The following GREM2 variants were observed in gnomAD, a reference collection of about 807,000 sequenced individuals.
The protein encoded by GREM2 is gremlin 2, DAN family BMP antagonist, also known as gremlin-2.
In GREM2, 11 loss-of-function variants were observed where a neutral mutation model predicts 14.2. The ratio of observed to expected loss-of-function variants is 0.78; its 90% CI spans 0.49 to 1.28. The LOEUF (loss-of-function observed/expected upper bound fraction) is 1.28. Among genes scored for constraint, GREM2 ranks in the 50% most tolerant of loss-of-function variants. The pLI, the probability that GREM2 is intolerant of heterozygous loss-of-function variation, is 0.00. For synonymous variants in GREM2, 98 were observed against 97.6 expected, an observed-to-expected ratio of 1.00 and a Z score of -0.02; for missense variants, 210 against 218.5, an observed-to-expected ratio of 0.96 and a Z score of 0.24.
At chr1:240,585,779 T>A (rs1462070191) in intron 1 of GREM2, among the ~76,000 whole-genome samples, 2 of 139,866 alleles carry the variant, frequency 1.4e-5, no homozygotes, top group Admixed American at 7.3e-5. Context: ...TCCAACCAGG[T>A]GGAGGGCCCC....
At chr1:240,526,309 C>T (rs757082554) in intron 1 of GREM2, among the ~76,000 whole-genome samples, 2 of 152,190 alleles carry the variant, frequency 1.3e-5, no homozygotes, top group Non-Finnish European at 2.9e-5. Flanking sequence ...CATATCATGA[C>T]AATAATTGCA....
intron 1 of GREM2, among the ~76,000 whole-genome samples, chr1:240,534,679 C>T (rs527559615): frequency 9.5e-5 from 13 of 137,252 alleles, no homozygotes; most frequent in African/African-American, 3.0e-4. Flanking sequence ...GGCGACAGAG[C>T]GAGACTCCAT....
At chr1:240,522,990 G>A (rs1678137000) in intron 1 of GREM2, among the ~76,000 whole-genome samples, 1 of 152,128 alleles carries the variant, frequency 6.6e-6, no homozygotes, top group Non-Finnish European at 1.5e-5. Context: ...TTTTTGAATG[G>A]ATAATACATG....
rs1679188309 is a variant in GREM2 at position 240,567,195 on chromosome 1, G to A, written c.-2+44689C>T. 2.0e-5 allele frequency among the ~76,000 whole-genome samples: 3 copies of A among 152,132 alleles called. 1 individual carries two copies. The highest frequency in any genetic ancestry group is 7.2e-5 in the African/African-American group (3 of 41,450). On this transcript the variant is annotated intron_variant, in intron 1 of 1. Coordinates refer to ENST00000318160, the MANE Select transcript of GREM2 (RefSeq NM_022469.4). ...TTTAAAAAATACAAAGATCATCAGT[G>A]AGATGTGGGATAACTTCACGTGGTC...
chr1:240,601,412 T>A (rs1016614226), intron 1 of GREM2, among the ~76,000 whole-genome samples: 1 of 152,136 alleles, frequency 6.6e-6, no homozygotes, highest in Non-Finnish European at 1.5e-5. Context: ...GTTTGAAGCC[T>A]AAGATAATGT....
chr1:240,580,282 T>C (rs531097538), intron 1 of GREM2, among the ~76,000 whole-genome samples: 1 of 152,310 alleles, frequency 6.6e-6, no homozygotes, highest in East Asian at 1.9e-4. Flanking sequence ...TCCTGAAGTA[T>C]TTCACAGTAG....
chr1:240,495,805 G>A (rs1048233331), intron 1 of GREM2, among the ~76,000 whole-genome samples: 4 of 152,168 alleles, frequency 2.6e-5, no homozygotes, highest in African/African-American at 9.7e-5. Flanking sequence ...ACCACAAGAG[G>A]CCTTTGCATG....
At chr1:240,502,324 G>T (rs1443023918) in intron 1 of GREM2, among the ~76,000 whole-genome samples, 3 of 152,176 alleles carry the variant, frequency 2.0e-5, no homozygotes, top group Admixed American at 2.0e-4. Context: ...AAAGCCTGAT[G>T]AAACTATCAC....
intron 1 of GREM2, among the ~76,000 whole-genome samples, chr1:240,611,079 A>G (rs542474678): frequency 2.1e-3 from 314 of 152,004 alleles, no homozygotes; most frequent in African/African-American, 7.3e-3. Flanking sequence ...CAAAATAAAA[A>G]AAAAAAAGAA....
chr1:240,510,861 A>G (rs1211403892), intron 1 of GREM2, among the ~76,000 whole-genome samples: 1 of 152,204 alleles, frequency 6.6e-6, no homozygotes, highest in African/African-American at 2.4e-5. Flanking sequence ...TTAGGTATGA[A>G]CCAAGGTAAC....
At chr1:240,588,058 C>T (rs898313520) in intron 1 of GREM2, among the ~76,000 whole-genome samples, 5 of 152,156 alleles carry the variant, frequency 3.3e-5, no homozygotes, top group Admixed American at 1.3e-4. Flanking sequence ...TGGGAGTTCA[C>T]GTCCTCACAG....
intron 1 of GREM2, among the ~76,000 whole-genome samples, chr1:240,502,679 G>T (rs1402657858): frequency 6.6e-6 from 1 of 152,096 alleles, no homozygotes; most frequent in Non-Finnish European, 1.5e-5. Flanking sequence ...CTATCCCAAT[G>T]AACAGAACAG....
At chr1:240,604,280 A>T (rs1306190133) in intron 1 of GREM2, among the ~76,000 whole-genome samples, 2 of 149,698 alleles carry the variant, frequency 1.3e-5, no homozygotes, top group Non-Finnish European at 3.0e-5. Flanking sequence ...CAAATATCCC[A>T]ATTAGATCAG....
chr1:240,553,213 G>T (rs750726434), intron 1 of GREM2, among the ~76,000 whole-genome samples: 2 of 152,188 alleles, frequency 1.3e-5, no homozygotes, highest in Non-Finnish European at 2.9e-5. Flanking sequence ...TATCGAGAGC[G>T]TTAGCATGAG....
chr1:240,504,313 T>C (rs1250489029), intron 1 of GREM2, among the ~76,000 whole-genome samples: 2 of 152,220 alleles, frequency 1.3e-5, no homozygotes, highest in Non-Finnish European at 2.9e-5. Context: ...ATTTCTCATC[T>C]TAACTACTAC....
intron 1 of GREM2, among the ~76,000 whole-genome samples, chr1:240,610,053 C>T (rs546561711): frequency 4.6e-5 from 7 of 152,202 alleles, no homozygotes; most frequent in African/African-American, 1.7e-4. Flanking sequence ...CTAGTCTATA[C>T]AAAGTGAATA....
At chr1:240,499,020 C>T (rs747583862) in intron 1 of GREM2, among the ~76,000 whole-genome samples, 1 of 152,140 alleles carries the variant, frequency 6.6e-6, no homozygotes, top group Non-Finnish European at 1.5e-5. Context: ...TCTGTAGATA[C>T]CAGAATAAGG....
chr1:240,569,947 T>C (rs987600956), intron 1 of GREM2, among the ~76,000 whole-genome samples: 7 of 152,174 alleles, frequency 4.6e-5, no homozygotes, highest in Admixed American at 1.3e-4. Context: ...TAGAAACTTA[T>C]GTTGATTCTG....
intron 1 of GREM2, among the ~76,000 whole-genome samples, chr1:240,514,385 C>T (rs1677904650): frequency 1.3e-5 from 2 of 151,790 alleles, no homozygotes; most frequent in Non-Finnish European, 2.9e-5. Context: ...CTCAAGGGTT[C>T]TATTTTGGCC....
Sources: gnomAD v4.1 joint callset for allele counts (sites outside exome capture counted in the v4.1 genomes callset) on GRCh38, gnomAD v4.1.1 for gene constraint, MANE v1.5 for transcripts, NCBI Gene and HGNC (gene_info 2026-07-23, HGNC 2026-07-21) for gene names.